NBDY: variants seen among roughly 807,000 people sequenced by gnomAD.
NBDY encodes negative regulator of P-body association.
chrX:56,792,848 C>T (rs1020353112), intron 2 of NBDY, among the ~76,000 whole-genome samples: 3 of 111,456 alleles, frequency 2.7e-5, no homozygotes, highest in Non-Finnish European at 5.7e-5. Flanking sequence ...AGTCTGTTAT[C>T]AGATAGGCCC....
intron 2 of NBDY, among the ~76,000 whole-genome samples, chrX:56,758,316 GAAAAAAA>G (rs757268190): frequency 1.2e-4 from 10 of 81,476 alleles, no homozygotes; most frequent in Non-Finnish European, 2.2e-4. Context: ...ACTCTGTCTC[GAAAAAAA>G]AAAAAAAAAA....
At chrX:56,736,303 C>T (rs758863890) in intron 2 of NBDY, among the ~76,000 whole-genome samples, 1 of 112,127 alleles carries the variant, frequency 8.9e-6, no homozygotes, top group African/African-American at 3.2e-5. Flanking sequence ...GAGCCACTGT[C>T]GCTCAGGCTG....
intron 2 of NBDY, among the ~76,000 whole-genome samples, chrX:56,735,787 T>C (rs750781716): frequency 8.9e-6 from 1 of 111,782 alleles, no homozygotes; most frequent in East Asian, 2.8e-4. Flanking sequence ...TTCTAGACAG[T>C]CCGTCTTTTC....
intron 2 of NBDY, among the ~76,000 whole-genome samples, chrX:56,739,260 A>ATATATATG (rs1268251033): frequency 5.0e-5 from 4 of 80,480 alleles, no homozygotes; most frequent in East Asian, 3.6e-4. Context: ...ATATATATAT[A>ATATATATG]TATGTATGTA....
intron 2 of NBDY, among the ~76,000 whole-genome samples, chrX:56,783,963 C>T (rs755338941): frequency 2.4e-4 from 27 of 112,534 alleles, no homozygotes; most frequent in African/African-American, 8.7e-4. Context: ...TGCCTCCCTC[C>T]TTCTTCTGGA....
intron 2 of NBDY, among the ~76,000 whole-genome samples, chrX:56,733,313 A>AT (rs1050690482): frequency 9.2e-6 from 1 of 108,615 alleles, no homozygotes; most frequent in Non-Finnish European, 1.9e-5. Context: ...TTCTTTTTTA[A>AT]TTTTTTTTAC....
At chrX:56,753,929 G>A (rs141773864) in intron 2 of NBDY, among the ~76,000 whole-genome samples, 60 of 111,324 alleles carry the variant, frequency 5.4e-4, no homozygotes, top group Middle Eastern at 4.6e-3. Context: ...TGAGGAAGTG[G>A]GTGAAGATAG....
chrX:56,800,166 T>C (rs1457590032), intron 2 of NBDY, among the ~76,000 whole-genome samples: 1 of 111,609 alleles, frequency 9.0e-6, no homozygotes, highest in Non-Finnish European at 1.9e-5. Flanking sequence ...CAAGGTGACT[T>C]TGAGTGTCAG....
chrX:56,818,957 G>A lies in NBDY; in HGVS notation c.*1804G>A, dbSNP rs2069922643. On this transcript the variant is annotated 3_prime_UTR_variant, in exon 3 of 3. Transcript: ENST00000374922. ...GGGGAAATAACTATTTTCAATAAAT[G>A]GTACTGGGACAACTTGGTATCTACA... is the stretch of plus-strand genomic sequence containing the variant. 1 of 100,150 alleles carries A rather than the reference G, an allele frequency of 1.0e-5. No individual in the cohort carries two copies. Among genetic ancestry groups the A allele is most frequent in the East Asian group, 3.2e-4 (1 of 3,092 alleles). 8.3% of individuals were successfully genotyped at this position (100,150 alleles called of 1,213,427 possible).
rs963227899 is a variant in NBDY at position 56,730,662 on chromosome X, C to T, written c.*29+1073C>T. ...AGAAAAGGCAGAATTCTTCTGGAAACAGCTTGGCTATAATTTTGAATCTAC... is the reference window on the plus strand; with the variant it reads ...AGAAAAGGCAGAATTCTTCTGGAAATAGCTTGGCTATAATTTTGAATCTAC... On this transcript the variant is annotated intron_variant, in intron 1 of 2. Transcript: ENST00000374922. Among the ~76,000 whole-genome samples the T allele has an allele frequency of 2.8e-5, 3 of 107,746 alleles. No individual in the cohort carries two copies. In the Admixed American group the frequency reaches 3.0e-4, roughly 11 times the overall value. The allele number at this position is 107,746 out of a possible 115,157, so 93.6% of individuals were successfully genotyped here.
At chrX:56,785,236 G>A (rs2069720506) in intron 2 of NBDY, among the ~76,000 whole-genome samples, 1 of 111,291 alleles carries the variant, frequency 9.0e-6, no homozygotes, top group Non-Finnish European at 1.9e-5. Context: ...CATGTAGGTA[G>A]CATGCACCAG....
chrX:56,766,958 G>A (rs761662788), intron 2 of NBDY, among the ~76,000 whole-genome samples: 1 of 112,672 alleles, frequency 8.9e-6, no homozygotes, highest in African/African-American at 3.2e-5. Flanking sequence ...TCCTGCCTCA[G>A]GCCCTGTGGC....
At chrX:56,760,858 T>C (rs1370653863) in intron 2 of NBDY, among the ~76,000 whole-genome samples, 2 of 111,663 alleles carry the variant, frequency 1.8e-5, no homozygotes, top group African/African-American at 6.5e-5. Context: ...TGAACCAGCC[T>C]ATCCTCAAGA....
At chrX:56,750,975 G>T (rs1262283498) in intron 2 of NBDY, among the ~76,000 whole-genome samples, 2 of 111,086 alleles carry the variant, frequency 1.8e-5, no homozygotes, top group Non-Finnish European at 3.8e-5. Context: ...ATCCTTTAAT[G>T]ATTTTTTGCT....
chrX:56,804,278 C>T (rs1225848709), intron 2 of NBDY, among the ~76,000 whole-genome samples: 2 of 112,134 alleles, frequency 1.8e-5, no homozygotes, highest in Admixed American at 1.9e-4. Context: ...GTTGACCCTT[C>T]TAGCAGAAGA....
At chrX:56,795,641 T>A (rs981547778) in intron 2 of NBDY, among the ~76,000 whole-genome samples, 1 of 112,158 alleles carries the variant, frequency 8.9e-6, no homozygotes, top group Non-Finnish European at 1.9e-5. Flanking sequence ...CGTGAACCAC[T>A]CTCACAAGAG....
chrX:56,735,651 C>A (rs757535821), intron 2 of NBDY, among the ~76,000 whole-genome samples: 1 of 112,022 alleles, frequency 8.9e-6, no homozygotes, highest in African/African-American at 3.2e-5. Context: ...TGTAATTGTG[C>A]ACAGTAGATG....
chrX:56,781,485 G>A (rs974079554), intron 2 of NBDY, among the ~76,000 whole-genome samples: 1 of 111,596 alleles, frequency 9.0e-6, no homozygotes, highest in African/African-American at 3.3e-5. Flanking sequence ...TCTGGCTGGC[G>A]CCTTATCCTG....
At chrX:56,780,966 A>G (rs971484251) in intron 2 of NBDY, among the ~76,000 whole-genome samples, 1 of 108,882 alleles carries the variant, frequency 9.2e-6, no homozygotes, top group Admixed American at 9.8e-5. Context: ...AACTCCCATC[A>G]CATCTCAACT....
Sources: allele counts gnomAD v4.1 joint callset (sites outside exome capture counted in the v4.1 genomes callset), GRCh38; gene constraint gnomAD v4.1.1; transcripts MANE v1.5; gene names NCBI Gene and HGNC (gene_info 2026-07-23, HGNC 2026-07-21).